BCKDHA: variants seen among roughly 807,000 people sequenced by gnomAD.
The protein encoded by BCKDHA is 2-oxoisovalerate dehydrogenase subunit alpha, mitochondrial.
A neutral mutation model predicts 52.2 loss-of-function variants in BCKDHA; 43 were observed. The ratio of observed to expected loss-of-function variants is 0.82; its 90% CI spans 0.64 to 1.06. The LOEUF is 1.06. BCKDHA is among the 50% of genes least tolerant of loss of function. The pLI, the probability that BCKDHA is intolerant of heterozygous loss-of-function variation, is 0.00. For missense variants in BCKDHA, 527 were observed against 621.3 expected (o/e 0.85, Z 1.61); for synonymous variants, 234 against 247.9 (o/e 0.94, Z 0.53).
At chr19:41,406,973 C>T (rs2039200190) in intron 1 of BCKDHA, among the ~76,000 whole-genome samples, 1 of 152,094 alleles carries the variant, frequency 6.6e-6, no homozygotes, top group East Asian at 1.9e-4. Context: ...AGTGATCCTC[C>T]CACCTCAGCC....
Position 41,424,152 on chromosome 19 carries a change from G to A in BCKDHA, c.1168-286G>A, listed in dbSNP as rs143633985. Among the ~76,000 whole-genome samples, 231 of 152,274 alleles carry A rather than the reference G, an allele frequency of 1.5e-3. 1 individual carries two copies. The highest frequency in any genetic ancestry group is 5.3e-3 in the African/African-American group (220 of 41,546). On this transcript the variant is annotated intron_variant, in intron 8 of 8. Transcript: ENST00000269980. ...GCAGCACCCGGCATAGGGCAGCACCGTGTGTCCTGTCCCTGCCCTTCTCTG... is the reference window on the plus strand; with the variant it reads ...GCAGCACCCGGCATAGGGCAGCACCATGTGTCCTGTCCCTGCCCTTCTCTG...
In BCKDHA at chr19:41,422,776, T is replaced by C. The variant is rs1024878820; in HGVS notation, c.995+6T>C. On this transcript the variant is annotated splice_donor_region_variant and intron_variant, in intron 7 of 8. Coordinates refer to ENST00000269980, the MANE Select transcript of BCKDHA (RefSeq NM_000709.4). ...ATCGAGGCCATGACCTACAGGTGCC[T>C]GCCGCTCCCCCCGTCAGCACCCCCA... The C allele has an allele frequency of 1.2e-6, 2 of 1,612,998 alleles. No individual in the cohort carries two copies. Among genetic ancestry groups the C allele is most frequent in the Non-Finnish European group, 1.7e-6 (2 of 1,180,002 alleles).
chr19:41,413,377 C>G (rs1411742274), intron 3 of BCKDHA, among the ~76,000 whole-genome samples: 1 of 152,138 alleles, frequency 6.6e-6, no homozygotes, highest in Non-Finnish European at 1.5e-5. Flanking sequence ...GAACTGGGCA[C>G]TGGTGTGGCC....
chr19:41,410,819 G>A lies in BCKDHA; in HGVS notation c.288+3G>A. On this transcript the variant is annotated splice_donor_region_variant and intron_variant, in intron 2 of 8. Coordinates refer to ENST00000269980, the MANE Select transcript of BCKDHA (RefSeq NM_000709.4). ...TCAACCCCAGCGAGGACCCCCACGTGAGAGGCGGCCTCCCCCACTTCCCGT... is the reference window on the plus strand; with the variant it reads ...TCAACCCCAGCGAGGACCCCCACGTAAGAGGCGGCCTCCCCCACTTCCCGT... 1 of 1,614,120 alleles carries A rather than the reference G, an allele frequency of 6.2e-7. No homozygotes were observed. Among genetic ancestry groups the A allele is most frequent in the South Asian group, 1.1e-5 (1 of 91,084 alleles).
At chr19:41,398,043 G>A in intron 1 of BCKDHA, 108 bp downstream of exon 1, 1 of 916,320 alleles carries the variant, frequency 1.1e-6, no homozygotes, top group East Asian at 2.6e-5. Context: ...TGTCACAAAA[G>A]GGAAAAAGAG....
chr19:41,416,548 G>A (rs1273949995), intron 4 of BCKDHA, among the ~76,000 whole-genome samples: 1 of 152,204 alleles, frequency 6.6e-6, no homozygotes, highest in African/African-American at 2.4e-5. Context: ...TCCCACCCTT[G>A]GCTGTCTTCC....
chr19:41,401,879 C>T (rs2039142865), intron 1 of BCKDHA, among the ~76,000 whole-genome samples: 1 of 152,134 alleles, frequency 6.6e-6, no homozygotes. Context: ...GTTCCAGTGC[C>T]CTGTGCAGTA....
intron 1 of BCKDHA, among the ~76,000 whole-genome samples, chr19:41,402,510 G>A (rs2039148883): frequency 6.6e-6 from 1 of 152,172 alleles, no homozygotes; most frequent in African/African-American, 2.4e-5. Flanking sequence ...GGCTCAGAGA[G>A]GTGAGGTCTG....
At chr19:41,422,571 C>T in intron 6 of BCKDHA, 58 bp from the exon 7 acceptor site, 2 of 1,610,616 alleles carry the variant, frequency 1.2e-6, no homozygotes, top group Admixed American at 3.3e-5. Flanking sequence ...TCCCCTTGGC[C>T]TCGTGCATGT....
chr19:41,403,612 T>TC (rs1338408681), intron 1 of BCKDHA, among the ~76,000 whole-genome samples: 1 of 152,168 alleles, frequency 6.6e-6, no homozygotes, highest in Admixed American at 6.5e-5. Flanking sequence ...TTGGCTGAAC[T>TC]CCCCCTTCTT....
In BCKDHA at chr19:41,424,336, CA is replaced by C. The variant is rs2039403570; in HGVS notation, c.1168-99del. ...CATTTCCATTGTCGAGGTGGGAACA[CA>C]AAGGCTTGGAGTGGTTAATTCCTTG... On this transcript the variant is annotated intron_variant, in intron 8 of 8. Transcript: ENST00000269980. The C allele has an allele frequency of 2.2e-5, 29 of 1,325,634 alleles. No individual in the cohort carries two copies. The South Asian group carries it at 3.4e-4, about 16-fold the overall frequency. The allele number at this position is 1,325,634 out of a possible 1,614,324, so 82.1% of individuals were successfully genotyped here.
intron 5 of BCKDHA, 44 bp downstream of exon 5, chr19:41,419,340 T>C: frequency 6.3e-7 from 1 of 1,579,852 alleles, no homozygotes; most frequent in South Asian, 1.1e-5. Context: ...CAGACCAATG[T>C]CACACCCCTG....
intron 1 of BCKDHA, among the ~76,000 whole-genome samples, chr19:41,405,625 A>C (rs1196242681): frequency 6.6e-6 from 1 of 152,096 alleles, no homozygotes; most frequent in Non-Finnish European, 1.5e-5. Context: ...AGGTCTCACT[A>C]TGTTTCCCAG....
intron 1 of BCKDHA, among the ~76,000 whole-genome samples, chr19:41,406,556 A>G (rs987203412): frequency 1.4e-5 from 2 of 144,330 alleles, no homozygotes; most frequent in African/African-American, 5.1e-5. Flanking sequence ...TGTAAATGCC[A>G]CCATTCCCAG....
At position 41,424,618 on chromosome 19, in the gene BCKDHA, A is replaced by G; in HGVS notation, c.*10A>G. The G allele has an allele frequency of 1.3e-6, 2 of 1,575,796 alleles. No individual in the cohort carries two copies. Reference sequence around the variant, plus strand: ...TCACTTCGATAAGTGAGACCTGCTCAGCCCACCCCCACCCATCCTCAGCTA... The same window carrying G: ...TCACTTCGATAAGTGAGACCTGCTCGGCCCACCCCCACCCATCCTCAGCTA... On this transcript the variant is annotated 3_prime_UTR_variant, in exon 9 of 9. Coordinates refer to ENST00000269980, the MANE Select transcript of BCKDHA (RefSeq NM_000709.4).
In BCKDHA at chr19:41,410,825, C is replaced by T. The variant is rs398123497; in HGVS notation, c.288+9C>T. The T allele has an allele frequency of 3.2e-5, 52 of 1,613,942 alleles. No homozygotes were observed. Among genetic ancestry groups the T allele is most frequent in the Admixed American group, 8.3e-5 (5 of 60,000 alleles). On this transcript the variant is annotated intron_variant, in intron 2 of 8. Transcript: ENST00000269980. ...CCAGCGAGGACCCCCACGTGAGAGG[C>T]GGCCTCCCCCACTTCCCGTGCCCCC...
chr19:41,411,152 C>A, intron 3 of BCKDHA, 143 bp downstream of exon 3: 1 of 915,148 alleles, frequency 1.1e-6, no homozygotes, highest in East Asian at 2.6e-5. Flanking sequence ...TCTTGGGACT[C>A]TGGAGGAGAA....
intron 1 of BCKDHA, among the ~76,000 whole-genome samples, chr19:41,402,788 G>A (rs2039151446): frequency 6.6e-6 from 1 of 152,100 alleles, no homozygotes; most frequent in African/African-American, 2.4e-5. Flanking sequence ...CTACAGGTGT[G>A]TGCCACCGTG....
intron 8 of BCKDHA, among the ~76,000 whole-genome samples, chr19:41,423,792 A>T (rs1349348726): frequency 6.6e-6 from 1 of 151,780 alleles, no homozygotes; most frequent in Non-Finnish European, 1.5e-5. Flanking sequence ...AGATCGTACC[A>T]TTGCACTCCA....
Sources: gnomAD v4.1 joint callset for allele counts (sites outside exome capture counted in the v4.1 genomes callset) on GRCh38, gnomAD v4.1.1 for gene constraint, MANE v1.5 for transcripts, NCBI Gene and HGNC (gene_info 2026-07-23, HGNC 2026-07-21) for gene names.